The following CCSER1 variants were observed in gnomAD, a reference collection of about 807,000 sequenced individuals.
CCSER1 encodes serine-rich coiled-coil domain-containing protein 1.
CCSER1 carries 41 observed loss-of-function variants against 82.0 expected under a neutral mutation model. That is an observed-to-expected ratio of 0.50 (90% confidence interval 0.39 to 0.65). CCSER1 has a LOEUF of 0.65. Among genes scored for constraint, CCSER1 ranks in the 30% least tolerant of loss-of-function variants. The probability of loss-of-function intolerance (pLI) is 0.00; values close to 1 mark genes in which losing one functional copy is unlikely to be tolerated. For missense variants in CCSER1, 1,119 were observed against 1,064.2 expected (o/e 1.05, Z -0.72); for synonymous variants, 414 against 383.9 (o/e 1.08, Z -0.92).
chr4:90,390,749 CA>C (rs1750862501), intron 3 of CCSER1, among the ~76,000 whole-genome samples: 1 of 152,044 alleles, frequency 6.6e-6, no homozygotes, highest in Admixed American at 6.6e-5. Context: ...AACATAGATA[CA>C]AGTGTATATA....
rs183089850 is a variant in CCSER1 at position 91,383,072 on chromosome 4, C to T, written c.2218-215500C>T. Among the ~76,000 whole-genome samples the T allele has an allele frequency of 4.3e-3, 659 of 151,812 alleles. 3 individuals carry two copies. The highest frequency in any genetic ancestry group is 0.021 in the Middle Eastern group (6 of 292). Reference sequence around the variant, plus strand: ...TTTTAACATAATGATATTACACATTCAGTATTATCAGTGTAGCATAAACAT... The same window carrying T: ...TTTTAACATAATGATATTACACATTTAGTATTATCAGTGTAGCATAAACAT... On this transcript the variant is annotated intron_variant, in intron 10 of 10. Transcript: ENST00000509176.
chr4:90,228,314 C>A (rs1560833880), intron 1 of CCSER1, among the ~76,000 whole-genome samples: 1 of 152,114 alleles, frequency 6.6e-6, no homozygotes, highest in Non-Finnish European at 1.5e-5. Context: ...GGTCCCTGAC[C>A]CCTGACCCCC....
intron 4 of CCSER1, among the ~76,000 whole-genome samples, chr4:90,419,527 CTG>C (rs1756367521): frequency 1.3e-5 from 2 of 151,836 alleles, no homozygotes; most frequent in South Asian, 4.1e-4. Context: ...TTTCTTTTAA[CTG>C]TTTTTCTAGA....
chr4:91,359,928 A>G (rs1313862059), intron 10 of CCSER1, among the ~76,000 whole-genome samples: 1 of 151,832 alleles, frequency 6.6e-6, no homozygotes, highest in Admixed American at 6.6e-5. Context: ...TGTGACTTGC[A>G]TTATCTCTTT....
At chr4:91,430,159 T>G (rs1278333966) in intron 10 of CCSER1, among the ~76,000 whole-genome samples, 1 of 152,056 alleles carries the variant, frequency 6.6e-6, no homozygotes, top group African/African-American at 2.4e-5. Context: ...GTTCAGAACA[T>G]AAGTATTTTC....
At chr4:91,222,314 C>G (rs1047816412) in intron 10 of CCSER1, among the ~76,000 whole-genome samples, 2 of 151,774 alleles carry the variant, frequency 1.3e-5, no homozygotes, top group African/African-American at 2.4e-5. Flanking sequence ...TAATCGCCAC[C>G]CTTGAGTTCT....
At chr4:90,360,313 G>A (rs1043247201) in intron 3 of CCSER1, among the ~76,000 whole-genome samples, 2 of 149,368 alleles carry the variant, frequency 1.3e-5, no homozygotes, top group Non-Finnish European at 1.5e-5. Flanking sequence ...CGGATCACGA[G>A]GTCAGGAGAT....
chr4:91,519,833 G>A (rs1013934104), intron 10 of CCSER1, among the ~76,000 whole-genome samples: 3 of 152,078 alleles, frequency 2.0e-5, no homozygotes, highest in African/African-American at 7.2e-5. Flanking sequence ...CAATATGTTC[G>A]CCTGGATGTT....
At chr4:90,933,791 T>A (rs1044592364) in intron 9 of CCSER1, among the ~76,000 whole-genome samples, 1 of 152,024 alleles carries the variant, frequency 6.6e-6, no homozygotes, top group African/African-American at 2.4e-5. Flanking sequence ...TCTTCATATA[T>A]GTTTTTGACA....
chr4:90,589,067 G>A (rs1354759460), intron 5 of CCSER1, among the ~76,000 whole-genome samples: 1 of 152,088 alleles, frequency 6.6e-6, no homozygotes, highest in Non-Finnish European at 1.5e-5. Flanking sequence ...ATGGATTTGT[G>A]CAATAAGGCA....
chr4:91,187,896 G>A (rs1160653779), intron 10 of CCSER1, among the ~76,000 whole-genome samples: 3 of 152,124 alleles, frequency 2.0e-5, no homozygotes, highest in Non-Finnish European at 4.4e-5. Context: ...ATTTATCCAA[G>A]TAGGCAAAGG....
At chr4:90,599,985 T>A (rs1207987890) in intron 5 of CCSER1, among the ~76,000 whole-genome samples, 1 of 152,198 alleles carries the variant, frequency 6.6e-6, no homozygotes, top group Admixed American at 6.5e-5. Flanking sequence ...TTTTGTTGTC[T>A]GGCACTTTTC....
At chr4:91,451,089 A>ATCT (rs371940745) in intron 10 of CCSER1, among the ~76,000 whole-genome samples, 95,894 of 151,092 alleles carry the variant, frequency 0.63, 31,048 homozygotes, top group East Asian at 0.88. Flanking sequence ...TCTAGTTCAA[A>ATCT]GATGGTACCT....
At chr4:91,301,014 G>C (rs892474184) in intron 10 of CCSER1, among the ~76,000 whole-genome samples, 1 of 151,908 alleles carries the variant, frequency 6.6e-6, no homozygotes, top group Non-Finnish European at 1.5e-5. Context: ...ATTTAGCTGA[G>C]AGGAAATACT....
chr4:90,263,317 G>A (rs570296086), intron 1 of CCSER1, among the ~76,000 whole-genome samples: 6 of 152,288 alleles, frequency 3.9e-5, no homozygotes, highest in East Asian at 3.9e-4. Flanking sequence ...CTCTGGACTC[G>A]TACTGGGGAT....
At chr4:90,493,394 A>C (rs1768405718) in intron 5 of CCSER1, among the ~76,000 whole-genome samples, 1 of 152,142 alleles carries the variant, frequency 6.6e-6, no homozygotes, top group Non-Finnish European at 1.5e-5. Context: ...CCAACATTCA[A>C]GTTCAGGAAA....
intron 7 of CCSER1, among the ~76,000 whole-genome samples, chr4:90,815,312 A>G (rs1481367967): frequency 6.6e-6 from 1 of 152,132 alleles, no homozygotes; most frequent in African/African-American, 2.4e-5. Flanking sequence ...CGTGGGGATT[A>G]CAATTCGTGA....
intron 10 of CCSER1, among the ~76,000 whole-genome samples, chr4:91,259,578 C>T (rs895982765): frequency 6.6e-6 from 1 of 152,006 alleles, no homozygotes. Flanking sequence ...TCTCCTAATG[C>T]TCTCCCTCCC....
At chr4:91,121,629 G>T (rs1727097506) in intron 10 of CCSER1, among the ~76,000 whole-genome samples, 1 of 151,406 alleles carries the variant, frequency 6.6e-6, no homozygotes, top group Admixed American at 6.6e-5. Context: ...TATTAACTTA[G>T]TATCTAATCA....
Sources: gnomAD v4.1 joint callset for allele counts (sites outside exome capture counted in the v4.1 genomes callset) on GRCh38, gnomAD v4.1.1 for gene constraint, MANE v1.5 for transcripts, NCBI Gene and HGNC (gene_info 2026-07-23, HGNC 2026-07-21) for gene names.